PTPN11: variants seen among roughly 807,000 people sequenced by gnomAD.
The protein encoded by PTPN11 is tyrosine-protein phosphatase non-receptor type 11.
Under a neutral mutation model 78.8 loss-of-function variants are expected in PTPN11, and 6 were observed. The ratio of observed to expected loss-of-function variants is 0.08; its 90% confidence interval spans 0.04 to 0.15. The LOEUF is 0.15. Among genes scored for constraint, PTPN11 ranks in the 10% least tolerant of loss-of-function variants. PTPN11 has a pLI of 1.00. For synonymous variants in PTPN11, 221 were observed against 263.5 expected, an observed-to-expected ratio of 0.84 and a Z score of 1.56; for missense variants, 386 against 744.8, an observed-to-expected ratio of 0.52 and a Z score of 5.61.
At chr12:112,503,242 C>T (rs556304586) in intron 14 of PTPN11, among the ~76,000 whole-genome samples, 12 of 152,254 alleles carry the variant, frequency 7.9e-5, no homozygotes, top group East Asian at 7.7e-4. Flanking sequence ...AAATCCTTCC[C>T]GACTCCTTGT....
rs1035181277 is a variant in PTPN11, at chr12:112,491,048, G to T, written c.1599+1873G>T. On this transcript the variant is annotated intron_variant, in intron 13 of 15. Coordinates refer to ENST00000351677, the MANE Select transcript of PTPN11 (RefSeq NM_002834.5). Reference sequence around the variant, plus strand: ...AGGACCTTTGGGAGTGAAAGAATTTGCTAAAGAAGGATCAGTGAAAAAAAG... The same window carrying T: ...AGGACCTTTGGGAGTGAAAGAATTTTCTAAAGAAGGATCAGTGAAAAAAAG... Among the ~76,000 whole-genome samples, 10 of 152,130 alleles carry T rather than the reference G, an allele frequency of 6.6e-5. 1 individual carries two copies. The highest frequency in any genetic ancestry group is 1.0e-4 in the Non-Finnish European group (7 of 68,046).
intron 1 of PTPN11, among the ~76,000 whole-genome samples, chr12:112,445,282 C>A (rs1477628957): frequency 9.2e-5 from 14 of 152,074 alleles, no homozygotes; most frequent in Non-Finnish European, 1.5e-4. Context: ...CAGGTGTCCA[C>A]CACCACGCCC....
chr12:112,459,842 C>A (rs1337178118), intron 6 of PTPN11, among the ~76,000 whole-genome samples: 2 of 151,798 alleles, frequency 1.3e-5, no homozygotes, highest in Non-Finnish European at 2.9e-5. Context: ...ATAGCATTAT[C>A]ATATCTAAAA....
At chr12:112,483,343 C>T (rs2038626178) in intron 10 of PTPN11, among the ~76,000 whole-genome samples, 1 of 152,124 alleles carries the variant, frequency 6.6e-6, no homozygotes. Context: ...TGTGTGCCAC[C>T]ATGCCCACCC....
intron 1 of PTPN11, among the ~76,000 whole-genome samples, chr12:112,428,396 C>CTTTT (rs11312766): frequency 2.8e-4 from 24 of 84,452 alleles, no homozygotes; most frequent in East Asian, 9.3e-4. Flanking sequence ...TGTGTGTTGT[C>CTTTT]TTTTTTTTTT....
At chr12:112,498,933 G>T (rs917674214) in intron 13 of PTPN11, among the ~76,000 whole-genome samples, 1 of 152,198 alleles carries the variant, frequency 6.6e-6, no homozygotes, top group Non-Finnish European at 1.5e-5. Context: ...AGTCATTGAA[G>T]TAATTCCTGT....
chr12:112,439,324 C>A (rs913216153), intron 1 of PTPN11, among the ~76,000 whole-genome samples: 1 of 152,082 alleles, frequency 6.6e-6, no homozygotes. Context: ...GACAGAGTCT[C>A]CCTCTTTTGC....
At chr12:112,446,491 G>A in intron 2 of PTPN11, 93 bp downstream of exon 2, 1 of 1,570,992 alleles carries the variant, frequency 6.4e-7, no homozygotes, top group South Asian at 1.1e-5. Context: ...TGCATTTCGA[G>A]TTTGAAGGCC....
chr12:112,426,359 C>T (rs1023347246), intron 1 of PTPN11, among the ~76,000 whole-genome samples: 1 of 151,970 alleles, frequency 6.6e-6, no homozygotes, highest in Non-Finnish European at 1.5e-5. Context: ...TTGATTCACG[C>T]GATTCTCCTG....
At chr12:112,505,598 A>T (rs1198660260) in intron 15 of PTPN11, among the ~76,000 whole-genome samples, 1 of 142,774 alleles carries the variant, frequency 7.0e-6, no homozygotes, top group African/African-American at 2.6e-5. Flanking sequence ...CAGCGGTTGC[A>T]GTGTGCCAAG....
At chr12:112,428,470 A>G (rs1046982227) in intron 1 of PTPN11, among the ~76,000 whole-genome samples, 2 of 144,914 alleles carry the variant, frequency 1.4e-5, no homozygotes, top group Non-Finnish European at 3.0e-5. Flanking sequence ...GGCCCTATAC[A>G]TTAAGATTTT....
rs1197033532 is a variant in PTPN11 at position 112,504,181 on chromosome 12, T to C, written c.1713-514T>C. Among the ~76,000 whole-genome samples the C allele has an allele frequency of 6.6e-6, 1 of 152,196 alleles. No individual in the cohort carries two copies. The highest frequency in any genetic ancestry group is 2.4e-5 in the African/African-American group (1 of 41,464). ...GCCAGACCCCAGGGAGCACCAGGAC[T>C]TGAGGCTTTTATTGCACTTCTGTTG... On this transcript the variant is annotated intron_variant, in intron 14 of 15. Transcript: ENST00000351677. The surrounding 1 kb of genome is among the most constrained non-coding windows in gnomAD (Gnocchi z 4.7).
chr12:112,434,606 CAAAA>C (rs879943475), intron 1 of PTPN11, among the ~76,000 whole-genome samples: 1 of 103,600 alleles, frequency 9.7e-6, no homozygotes, highest in Non-Finnish European at 2.0e-5. Context: ...GACTCCGTCT[CAAAA>C]AAAAAAAAAA....
intron 3 of PTPN11, among the ~76,000 whole-genome samples, chr12:112,452,121 C>T (rs1281109568): frequency 6.6e-6 from 1 of 152,136 alleles, no homozygotes; most frequent in East Asian, 1.9e-4. Context: ...GGTGATCCGC[C>T]CACCTTGACC....
intron 1 of PTPN11, among the ~76,000 whole-genome samples, chr12:112,423,474 TG>T (rs2037556542): frequency 6.6e-6 from 1 of 151,956 alleles, no homozygotes; most frequent in South Asian, 2.1e-4. Flanking sequence ...TTAGTAGGGA[TG>T]GGGTTTCACC....
intron 11 of PTPN11, chr12:112,486,880 C>T: frequency 2.8e-6 from 4 of 1,412,808 alleles, no homozygotes; most frequent in Non-Finnish European, 3.7e-6. Flanking sequence ...TCAGCATTAT[C>T]TCTGAGTCCA....
Position 112,472,870 on chromosome 12 carries a change from A to G in PTPN11, c.757-74A>G, listed in dbSNP as rs1592843721. 23 of 1,135,188 alleles carry G rather than the reference A, an allele frequency of 2.0e-5. No homozygotes were observed. The East Asian group carries it at 5.4e-4, about 27-fold the overall frequency. The allele number at this position is 1,135,188 out of a possible 1,614,324, so 70.3% of individuals were successfully genotyped here. A position where few individuals can be genotyped will look rare whatever the true frequency, so the allele number is the denominator to read the frequency against. ...CCTAGGATGAATTCCTTAAAGAAGT[A>G]ATGCTGATCCAGGCTTTTTTCTTTT... On this transcript the variant is annotated intron_variant, in intron 6 of 15. Coordinates refer to ENST00000351677, the MANE Select transcript of PTPN11 (RefSeq NM_002834.5).
rs2037564838 is a variant in PTPN11 at position 112,423,979 on chromosome 12, T to C, written c.14+4854T>C. On this transcript the variant is annotated intron_variant, in intron 1 of 15. Coordinates refer to ENST00000351677, the MANE Select transcript of PTPN11 (RefSeq NM_002834.5). ...GTTGCCCAGGCTGGTCTCAAATTCC[T>C]GGGCTCAAGCTGTCTGCCTGCCTCG... Among the ~76,000 whole-genome samples, 3 of 152,260 alleles carry C rather than the reference T, an allele frequency of 2.0e-5. No homozygotes were observed. In the South Asian group the frequency reaches 6.2e-4, roughly 32 times the overall value.
At chr12:112,422,309 T>C (rs16942050) in intron 1 of PTPN11, among the ~76,000 whole-genome samples, 6,144 of 152,312 alleles carry the variant, frequency 0.04, 271 homozygotes, top group African/African-American at 0.11. Context: ...CTCAGCATCA[T>C]AGGTAGGAAA....
Sources: gnomAD v4.1 joint callset for allele counts (sites outside exome capture counted in the v4.1 genomes callset) on GRCh38, gnomAD v4.1.1 for gene constraint, Gnocchi (gnomAD v3.1) non-coding constraint, MANE v1.5 for transcripts, NCBI Gene and HGNC (gene_info 2026-07-23, HGNC 2026-07-21) for gene names.